Variants in SYCP1 observed in about 807,000 individuals in gnomAD.
SYCP1 encodes synaptonemal complex protein 1.
In SYCP1, 64 loss-of-function variants were observed where a neutral mutation model predicts 153.1. That is an observed-to-expected ratio of 0.42 (90% CI 0.34 to 0.51). The LOEUF (loss-of-function observed/expected upper bound fraction) is 0.51. Among genes scored for constraint, SYCP1 ranks in the 20% least tolerant of loss-of-function variants. The pLI, the probability that SYCP1 is intolerant of heterozygous loss-of-function variation, is 0.06. For missense variants in SYCP1, 997 were observed against 1,049.0 expected, an observed-to-expected ratio of 0.95 and a Z score of 0.68; for synonymous variants, 384 against 341.8, an observed-to-expected ratio of 1.12 and a Z score of -1.36.
intron 12 of SYCP1, among the ~76,000 whole-genome samples, chr1:114,878,767 T>A (rs1665713100): frequency 6.6e-6 from 1 of 152,168 alleles, no homozygotes; most frequent in Non-Finnish European, 1.5e-5. Context: ...GATTTCGAAC[T>A]CCTGACCTCA....
intron 20 of SYCP1, among the ~76,000 whole-genome samples, chr1:114,920,243 A>AATATGCTC (rs1668779327): frequency 6.6e-6 from 1 of 151,872 alleles, no homozygotes; most frequent in Admixed American, 6.6e-5. Flanking sequence ...TGACCCACTA[A>AATATGCTC]CCATTCAGGA....
At chr1:114,926,072 G>A (rs1253429888) in intron 21 of SYCP1, among the ~76,000 whole-genome samples, 1 of 152,024 alleles carries the variant, frequency 6.6e-6, no homozygotes, top group Non-Finnish European at 1.5e-5. Flanking sequence ...CCAGGAGTTG[G>A]AAGTTGCAGT....
intron 23 of SYCP1, among the ~76,000 whole-genome samples, chr1:114,927,928 C>T (rs1669365931): frequency 6.6e-6 from 1 of 152,064 alleles, no homozygotes; most frequent in Non-Finnish European, 1.5e-5. Flanking sequence ...TCAGGTGATC[C>T]TCCTACCTCA....
At chr1:114,992,506 T>C (rs1039468402) in intron 30 of SYCP1, among the ~76,000 whole-genome samples, 2 of 151,600 alleles carry the variant, frequency 1.3e-5, no homozygotes, top group African/African-American at 4.8e-5. Flanking sequence ...ACATAGTCAG[T>C]TGATTTTTGA....
Position 114,926,562 on chromosome 1 carries a change from A to T in SYCP1, c.1925A>T (p.Lys642Met). The change falls in exon 23 of 32, where the codon AAG becomes ATG. Residue 642 changes from lysine to methionine, a missense_variant and splice_region_variant. Lys to Met is a moderately conservative substitution (Grantham distance 95). Coordinates refer to ENST00000369522, the MANE Select transcript of SYCP1 (RefSeq NM_003176.4). Reference sequence around the variant, plus strand: ...AAGCAACTGAATGTTTATGAGATAAAGGTATTTGGCATCTTTATTTTTGTT... The same window carrying T: ...AAGCAACTGAATGTTTATGAGATAATGGTATTTGGCATCTTTATTTTTGTT... ...ESKQLNVYEI[K>M]VNKLELELES... is the part of the protein sequence containing the mutation. 6.3e-7 allele frequency: 1 copy of T among 1,593,734 alleles called. No individual in the cohort carries two copies. The highest frequency in any genetic ancestry group is 8.5e-7 in the Non-Finnish European group (1 of 1,170,450).
At chr1:114,967,069 T>C (rs1317998537) in intron 27 of SYCP1, among the ~76,000 whole-genome samples, 1 of 152,174 alleles carries the variant, frequency 6.6e-6, no homozygotes, top group Non-Finnish European at 1.5e-5. Flanking sequence ...TTCTTTTGCA[T>C]TTGCTGAGGG....
At chr1:114,909,181 C>G (rs991698323) in intron 16 of SYCP1, among the ~76,000 whole-genome samples, 1 of 151,944 alleles carries the variant, frequency 6.6e-6, no homozygotes, top group Non-Finnish European at 1.5e-5. Context: ...GTTCTTTGTT[C>G]TGTATGATTT....
At chr1:114,927,898 G>A (rs1425014873) in intron 23 of SYCP1, among the ~76,000 whole-genome samples, 2 of 152,090 alleles carry the variant, frequency 1.3e-5, no homozygotes, top group Admixed American at 6.5e-5. Context: ...ACAGCTCACC[G>A]CAGCCTCGAT....
At position 114,926,159 on chromosome 1, in the gene SYCP1, T is replaced by A. The variant is rs1049405819; in HGVS notation, c.1801-119T>A. 5.8e-6 allele frequency: 4 copies of A among 691,242 alleles called. No homozygotes were observed. The African/African-American group carries it at 7.5e-5, about 13-fold the overall frequency. The allele number at this position is 691,242 out of a possible 1,614,324, so 42.8% of individuals were successfully genotyped here. On this transcript the variant is annotated intron_variant, in intron 21 of 31. Transcript: ENST00000369522. ...TAGTATAATTTTTATATTAATGGAA[T>A]TACCATGATTTTGAAGTGACCTTTA...
chr1:114,946,934 C>T (rs1033511834), intron 26 of SYCP1, among the ~76,000 whole-genome samples: 30 of 152,092 alleles, frequency 2.0e-4, no homozygotes, highest in South Asian at 4.2e-4. Flanking sequence ...TTAGTAGAGA[C>T]GGGGTTTCAC....
In SYCP1 at chr1:114,958,822, C is replaced by T. The variant is rs1179190620; in HGVS notation, c.2322+11502C>T. On this transcript the variant is annotated intron_variant, in intron 27 of 31. Transcript: ENST00000369522. Reference sequence around the variant, plus strand: ...GTGGGTGCCCGTAGTCCCAGCTACTCGGGAGGCTGAGGCAGGAGAATGGCA... The same window carrying T: ...GTGGGTGCCCGTAGTCCCAGCTACTTGGGAGGCTGAGGCAGGAGAATGGCA... Among the ~76,000 whole-genome samples the T allele has an allele frequency of 3.4e-5, 5 of 146,776 alleles. No individual in the cohort carries two copies. In the South Asian group the frequency reaches 6.4e-4, roughly 19 times the overall value.
At chr1:114,931,815 G>A (rs1340470777) in intron 23 of SYCP1, among the ~76,000 whole-genome samples, 1 of 152,072 alleles carries the variant, frequency 6.6e-6, no homozygotes, top group East Asian at 1.9e-4. Context: ...TTCAAGATTT[G>A]CTGTAAAGCT....
At chr1:114,901,540 C>T (rs1667447202) in intron 16 of SYCP1, among the ~76,000 whole-genome samples, 1 of 152,140 alleles carries the variant, frequency 6.6e-6, no homozygotes, top group Non-Finnish European at 1.5e-5. Flanking sequence ...CCATAAAGGA[C>T]TCATTCGCTA....
chr1:114,946,274 C>A lies in SYCP1; in HGVS notation c.2155-15C>A, dbSNP rs1407321573. 6.9e-7 allele frequency: 1 copy of A among 1,455,036 alleles called. No individual in the cohort carries two copies. The highest frequency in any genetic ancestry group is 9.3e-7 in the Non-Finnish European group (1 of 1,080,808). 90.1% of individuals were successfully genotyped at this position (1,455,036 alleles called of 1,614,324 possible). A position where few individuals can be genotyped will look rare whatever the true frequency, so the allele number is the denominator to read the frequency against. Reference sequence around the variant, plus strand: ...AGTTTTAATATATCTAAAATGTCTTCTTTGTTTAATATAGCACCAATATGA... The same window carrying A: ...AGTTTTAATATATCTAAAATGTCTTATTTGTTTAATATAGCACCAATATGA... On this transcript the variant is annotated splice_polypyrimidine_tract_variant and intron_variant, in intron 25 of 31. Coordinates refer to ENST00000369522, the MANE Select transcript of SYCP1 (RefSeq NM_003176.4).
intron 27 of SYCP1, among the ~76,000 whole-genome samples, chr1:114,961,158 C>T (rs867346179): frequency 6.6e-6 from 1 of 152,040 alleles, no homozygotes; most frequent in South Asian, 2.1e-4. Context: ...TCATAGTAGC[C>T]TTGATCTTTT....
chr1:114,895,620 T>G (rs1048675819), intron 16 of SYCP1, 111 bp downstream of exon 16: 1 of 525,194 alleles, frequency 1.9e-6, no homozygotes, highest in Non-Finnish European at 3.1e-6. Flanking sequence ...TTTTTTCAGC[T>G]AAAATGTAAA....
Position 114,910,475 on chromosome 1 carries a change from C to A in SYCP1, c.1399C>A (p.Leu467Ile). ...AGAATTAAAAGGAACAGAACAAGAA[C>A]TAATTGGTCTTCTCCAAGCCAGAGA... Reference protein sequence around the residue: ...AEELKGTEQELIGLLQAREKE... With the variant: ...AEELKGTEQEIIGLLQAREKE... The change falls in exon 17 of 32, where the codon CTA (leucine) becomes ATA (isoleucine). Residue 467 changes from leucine (L) to isoleucine (I), a missense_variant. By Grantham distance (5) the Leu-to-Ile change is conservative. Coordinates refer to ENST00000369522, the MANE Select transcript of SYCP1 (RefSeq NM_003176.4). The A allele has an allele frequency of 6.3e-7, 1 of 1,590,408 alleles. No individual in the cohort carries two copies. The highest frequency in any genetic ancestry group is 1.2e-5 in the South Asian group (1 of 85,802).
At chr1:114,916,740 G>T (rs1237126436) in intron 20 of SYCP1, among the ~76,000 whole-genome samples, 1 of 149,934 alleles carries the variant, frequency 6.7e-6, no homozygotes, top group African/African-American at 2.5e-5. Context: ...CTAACCTGTT[G>T]TTTTCCTTTA....
intron 8 of SYCP1, among the ~76,000 whole-genome samples, chr1:114,864,659 T>C (rs897000315): frequency 2.6e-5 from 4 of 151,904 alleles, no homozygotes; most frequent in African/African-American, 4.8e-5. Flanking sequence ...TGTCTAATTT[T>C]TGTATTTTTT....
Sources: allele counts gnomAD v4.1 joint callset (sites outside exome capture counted in the v4.1 genomes callset), GRCh38; gene constraint gnomAD v4.1.1; transcripts MANE v1.5; gene names NCBI Gene and HGNC (gene_info 2026-07-23, HGNC 2026-07-21).